The following ST6GALNAC5 variants were observed in gnomAD, a reference collection of about 807,000 sequenced individuals.
ST6GALNAC5 encodes ST6 N-acetylgalactosaminide alpha-2,6-sialyltransferase 5.
Under a neutral mutation model 33.6 loss-of-function variants are expected in ST6GALNAC5, and 27 were observed. The observed-to-expected ratio is 0.80, with a 90% CI of 0.59 to 1.11. ST6GALNAC5 has a LOEUF of 1.11. Ranked by LOEUF, ST6GALNAC5 falls within the 50% of genes least tolerant of loss-of-function variation. The pLI is 0.00. For missense variants in ST6GALNAC5, 428 were observed against 454.0 expected, an observed-to-expected ratio of 0.94 and a Z score of 0.52; for synonymous variants, 194 against 171.2, an observed-to-expected ratio of 1.13 and a Z score of -1.04.
At chr1:76,891,931 A>G (rs1421916266) in intron 2 of ST6GALNAC5, among the ~76,000 whole-genome samples, 25 of 152,210 alleles carry the variant, frequency 1.6e-4, no homozygotes, top group Admixed American at 1.6e-3. Flanking sequence ...CACTAGCCAT[A>G]CCAGGCATCA....
At chr1:76,935,158 G>A (rs1647187876) in intron 2 of ST6GALNAC5, among the ~76,000 whole-genome samples, 2 of 152,010 alleles carry the variant, frequency 1.3e-5, no homozygotes, top group Admixed American at 1.3e-4. Flanking sequence ...ACTGAATTTT[G>A]AAGACACTAA....
intron 2 of ST6GALNAC5, among the ~76,000 whole-genome samples, chr1:76,947,404 T>C (rs551649574): frequency 6.6e-6 from 1 of 152,188 alleles, no homozygotes; most frequent in East Asian, 1.9e-4. Context: ...TTTCCTAGTA[T>C]ACACTACAAC....
chr1:76,890,545 GT>G (rs34481431), intron 2 of ST6GALNAC5, among the ~76,000 whole-genome samples: 68 of 145,550 alleles, frequency 4.7e-4, no homozygotes, highest in Middle Eastern at 3.5e-3. Flanking sequence ...TTTTACTTCA[GT>G]TTTTTTTTTT....
In ST6GALNAC5 at chr1:77,044,223, G is replaced by C; in HGVS notation, c.281G>C (p.Arg94Thr). 6.2e-7 allele frequency: 1 copy of C among 1,609,464 alleles called. No individual in the cohort carries two copies. The highest frequency in any genetic ancestry group is 8.5e-7 in the Non-Finnish European group (1 of 1,177,098). ...TTCCAGCCCCTGAAAATGCACTGCA[G>C]GGACTGTGCCCTGGTGACCAGCTCA... ...ADHKPLKMHC[R>T]DCALVTSSGH... Residue 94 changes from arginine (R) to threonine (T), a missense_variant, in exon 3 of 5, where the codon AGG becomes ACG. Physicochemically the swap from Arg to Thr is moderately conservative, Grantham distance 71. Transcript: ENST00000477717.
At chr1:76,965,919 A>T (rs1648452593) in intron 2 of ST6GALNAC5, among the ~76,000 whole-genome samples, 2 of 152,168 alleles carry the variant, frequency 1.3e-5, no homozygotes, top group Admixed American at 1.3e-4. Flanking sequence ...ATGGTTGTAG[A>T]TGTGTGGTGT....
intron 2 of ST6GALNAC5, among the ~76,000 whole-genome samples, chr1:76,926,940 T>C (rs1647092024): frequency 6.6e-6 from 1 of 152,174 alleles, no homozygotes; most frequent in South Asian, 2.1e-4. Context: ...TCAAACATCT[T>C]TTCAGATATT....
intron 3 of ST6GALNAC5, 89 bp downstream of exon 3, chr1:77,044,702 C>A: frequency 6.8e-7 from 1 of 1,468,270 alleles, no homozygotes. Context: ...TTGCTACAGG[C>A]TTTTGTTGTG....
intron 2 of ST6GALNAC5, among the ~76,000 whole-genome samples, chr1:76,969,108 A>C (rs1648625685): frequency 6.6e-6 from 1 of 152,224 alleles, no homozygotes; most frequent in African/African-American, 2.4e-5. Context: ...TGATCAACGC[A>C]GAACACGCAT....
chr1:76,897,789 A>G (rs189097277), intron 2 of ST6GALNAC5, among the ~76,000 whole-genome samples: 2,090 of 152,318 alleles, frequency 0.014, 49 homozygotes, highest in African/African-American at 0.047. Flanking sequence ...GGAGTGCTTA[A>G]AAGAGTATTG....
chr1:76,992,291 T>C (rs2100397371), intron 2 of ST6GALNAC5, among the ~76,000 whole-genome samples: 1 of 152,254 alleles, frequency 6.6e-6, no homozygotes, highest in East Asian at 1.9e-4. Context: ...CTGATTTTAG[T>C]CAATAATTTC....
Position 77,032,945 on chromosome 1 carries a change from G to A in ST6GALNAC5, c.262-11259G>A, listed in dbSNP as rs547646677. Among the ~76,000 whole-genome samples, 6 of 152,260 alleles carry A rather than the reference G, an allele frequency of 3.9e-5. No homozygotes were observed. In the South Asian group the frequency reaches 1.2e-3, roughly 32 times the overall value. On this transcript the variant is annotated intron_variant, in intron 2 of 4. Coordinates refer to ENST00000477717, the MANE Select transcript of ST6GALNAC5 (RefSeq NM_030965.3). ...AGCAGAGGCCAGAGAAGCCAGTTTT[G>A]TGGAATCGGGCTTGTCGGGCCACAT...
At chr1:76,922,737 C>T (rs1006859552) in intron 2 of ST6GALNAC5, among the ~76,000 whole-genome samples, 10 of 151,898 alleles carry the variant, frequency 6.6e-5, no homozygotes, top group Middle Eastern at 3.4e-3. Context: ...AGAAACTTTT[C>T]AAACCAGCCT....
At position 76,995,611 on chromosome 1, in the gene ST6GALNAC5, AT is replaced by A. The variant is rs982215708; in HGVS notation, c.262-48592del. On this transcript the variant is annotated intron_variant, in intron 2 of 4. Transcript: ENST00000477717. ...TAGAGTTAAATTTTAATGAAAAAAA[AT>A]AATGTGAATTATTTGTGTGTTATAT... The A allele has an allele frequency of 1.1e-3, 175 of 152,190 alleles. 1 individual carries two copies. The highest frequency in any genetic ancestry group is 4.0e-3 in the African/African-American group (168 of 41,518). 9.4% of individuals were successfully genotyped at this position (152,190 alleles called of 1,614,324 possible).
intron 2 of ST6GALNAC5, among the ~76,000 whole-genome samples, chr1:77,008,524 G>C (rs1650509779): frequency 6.6e-6 from 1 of 151,980 alleles, no homozygotes; most frequent in Admixed American, 6.6e-5. Context: ...TTAGCTAAAG[G>C]CTGTTATCTT....
At chr1:76,973,340 G>T (rs1648839631) in intron 2 of ST6GALNAC5, among the ~76,000 whole-genome samples, 1 of 151,968 alleles carries the variant, frequency 6.6e-6, no homozygotes, top group South Asian at 2.1e-4. Context: ...AGAGACCCAT[G>T]GAAGAGTGGA....
At chr1:77,043,441 G>A (rs115372402) in intron 2 of ST6GALNAC5, among the ~76,000 whole-genome samples, 1 of 152,326 alleles carries the variant, frequency 6.6e-6, no homozygotes, top group Non-Finnish European at 1.5e-5. Flanking sequence ...ATGAGAGAAG[G>A]ACCTAGGCCC....
chr1:77,039,727 C>T (rs1002050161), intron 2 of ST6GALNAC5, among the ~76,000 whole-genome samples: 2 of 152,172 alleles, frequency 1.3e-5, no homozygotes. Flanking sequence ...TAAGAAGGAA[C>T]AGAGTGTCTC....
chr1:76,934,634 C>T (rs924824587), intron 2 of ST6GALNAC5, among the ~76,000 whole-genome samples: 3 of 151,960 alleles, frequency 2.0e-5, no homozygotes, highest in Non-Finnish European at 4.4e-5. Flanking sequence ...GTTCCTGCTT[C>T]ATATCCAGGT....
intron 2 of ST6GALNAC5, among the ~76,000 whole-genome samples, chr1:77,021,304 A>T (rs1042701555): frequency 6.6e-6 from 1 of 152,120 alleles, no homozygotes; most frequent in Admixed American, 6.5e-5. Context: ...AAGAAACCAA[A>T]TTGGTTGGGG....
Sources: gnomAD v4.1 joint callset for allele counts (sites outside exome capture counted in the v4.1 genomes callset) on GRCh38, gnomAD v4.1.1 for gene constraint, MANE v1.5 for transcripts, NCBI Gene and HGNC (gene_info 2026-07-23, HGNC 2026-07-21) for gene names.